LPGAT1: variants seen among roughly 807,000 people sequenced by gnomAD.
The protein encoded by LPGAT1 is lysophosphatidylglycerol acyltransferase 1, also known as acyl-CoA:lysophosphatidylglycerol acyltransferase 1.
A neutral mutation model predicts 47.5 loss-of-function variants in LPGAT1; 11 were observed. That is an observed-to-expected ratio of 0.23 (90% CI 0.15 to 0.38). LPGAT1 has a LOEUF of 0.38. Among genes scored for constraint, LPGAT1 ranks in the 10% least tolerant of loss-of-function variants. The pLI is 1.00. For synonymous variants in LPGAT1, 138 were observed against 144.2 expected, an observed-to-expected ratio of 0.96 and a Z score of 0.31; for missense variants, 293 against 439.0, an observed-to-expected ratio of 0.67 and a Z score of 2.97.
intron 2 of LPGAT1, among the ~76,000 whole-genome samples, chr1:211,816,276 T>C (rs1366901115): frequency 6.6e-6 from 1 of 152,160 alleles, no homozygotes; most frequent in Non-Finnish European, 1.5e-5. Flanking sequence ...GTGACTCCTG[T>C]TGTCTCTCTC....
At chr1:211,809,374 T>G (rs999348556) in intron 2 of LPGAT1, among the ~76,000 whole-genome samples, 4 of 152,198 alleles carry the variant, frequency 2.6e-5, no homozygotes, top group Non-Finnish European at 5.9e-5. Context: ...CATTTATGTA[T>G]AAGTTGAGCA....
At chr1:211,750,591 C>G (rs1657135667) in intron 7 of LPGAT1, among the ~76,000 whole-genome samples, 1 of 151,916 alleles carries the variant, frequency 6.6e-6, no homozygotes, top group Non-Finnish European at 1.5e-5. Flanking sequence ...AATTTTTTGT[C>G]AAAAAAGTAG....
chr1:211,802,041 T>A (rs142801172), intron 2 of LPGAT1, among the ~76,000 whole-genome samples: 56 of 148,478 alleles, frequency 3.8e-4, no homozygotes, highest in African/African-American at 1.4e-3. Context: ...TGAGCCAAGA[T>A]TGCACCACTG....
intron 5 of LPGAT1, among the ~76,000 whole-genome samples, chr1:211,780,895 T>C (rs906897322): frequency 6.7e-5 from 10 of 148,752 alleles, no homozygotes; most frequent in African/African-American, 2.5e-4. Context: ...CTTATGTATG[T>C]TTGAAAATTT....
rs1320091405 is a variant in LPGAT1, at chr1:211,783,195, C to A, written c.727+34G>T. 4 of 1,555,370 alleles carry A rather than the reference C, an allele frequency of 2.6e-6. No individual in the cohort carries two copies. The South Asian group carries it at 4.9e-5, about 19-fold the overall frequency. On this transcript the variant is annotated intron_variant, in intron 5 of 7. Transcript: ENST00000366997. ...TGTAACTCCAGAAAATCCTTTAACT[C>A]CAACAAGGTAAAAAATGCTAAAAAC...
At position 211,793,268 on chromosome 1, in the gene LPGAT1, A is replaced by G. The variant is rs1005883367; in HGVS notation, c.239-78T>C. 12 of 857,368 alleles carry G rather than the reference A, an allele frequency of 1.4e-5. No individual in the cohort carries two copies. In the Admixed American group the frequency reaches 2.6e-4, roughly 19 times the overall value. 53.1% of individuals were successfully genotyped at this position (857,368 alleles called of 1,614,324 possible). ...CACAAACCTTATATTAGAAAAAATG[A>G]TGTATATTAATGATGATATGTCACC... On this transcript the variant is annotated intron_variant, in intron 2 of 7. Transcript: ENST00000366997.
At chr1:211,803,217 T>G (rs773521434) in intron 2 of LPGAT1, 1 of 152,190 alleles carries the variant, frequency 6.6e-6, no homozygotes, top group Non-Finnish European at 1.5e-5. Context: ...GTGTGTGACA[T>G]TTTGAAAAAT....
intron 6 of LPGAT1, among the ~76,000 whole-genome samples, chr1:211,773,033 G>A (rs4951426): frequency 0.86 from 131,097 of 152,198 alleles, 56,671 homozygotes; most frequent in African/African-American, 0.94. Context: ...TCACTGTGCA[G>A]ATGTAATTTT....
chr1:211,785,243 C>T (rs1658829046), intron 4 of LPGAT1, among the ~76,000 whole-genome samples: 1 of 152,124 alleles, frequency 6.6e-6, no homozygotes, highest in Non-Finnish European at 1.5e-5. Flanking sequence ...TTTTGTTAGT[C>T]AGTTTGCTGA....
At chr1:211,826,666 GATAT>G (rs10565966) in intron 2 of LPGAT1, among the ~76,000 whole-genome samples, 83 of 148,254 alleles carry the variant, frequency 5.6e-4, no homozygotes, top group East Asian at 1.8e-3. Flanking sequence ...TTTGGAAAAA[GATAT>G]ATATATATAT....
intron 2 of LPGAT1, among the ~76,000 whole-genome samples, chr1:211,825,638 A>G (rs1188284998): frequency 1.3e-5 from 2 of 152,196 alleles, no homozygotes; most frequent in Non-Finnish European, 2.9e-5. Context: ...TCAACGTGAG[A>G]TATCTGTACA....
intron 2 of LPGAT1, among the ~76,000 whole-genome samples, chr1:211,812,561 G>A (rs1660024610): frequency 6.6e-6 from 1 of 152,134 alleles, no homozygotes; most frequent in African/African-American, 2.4e-5. Context: ...GCTGAAAAAT[G>A]CACCCCTCCA....
chr1:211,779,177 T>G (rs1658532851), intron 5 of LPGAT1, 133 bp from the exon 6 acceptor site: 1 of 583,492 alleles, frequency 1.7e-6, no homozygotes. Flanking sequence ...AAGGATGAAC[T>G]TTGGTGCTCC....
chr1:211,806,653 CT>C (rs1338759774), intron 2 of LPGAT1, among the ~76,000 whole-genome samples: 13 of 152,124 alleles, frequency 8.5e-5, no homozygotes, highest in African/African-American at 3.1e-4. Flanking sequence ...CATATACCCT[CT>C]GAATCAAAAA....
At chr1:211,757,675 A>T (rs183592625) in intron 6 of LPGAT1, among the ~76,000 whole-genome samples, 3 of 152,346 alleles carry the variant, frequency 2.0e-5, no homozygotes, top group East Asian at 3.9e-4. Context: ...CTTGACAGAG[A>T]TTCTGAAGAC....
chr1:211,789,637 T>A lies in LPGAT1; in HGVS notation c.358-1910A>T, dbSNP rs967190388. Among the ~76,000 whole-genome samples the A allele has an allele frequency of 2.0e-4, 30 of 152,272 alleles. 1 individual carries two copies. The highest frequency in any genetic ancestry group is 2.0e-3 in the Admixed American group (30 of 15,284). On this transcript the variant is annotated intron_variant, in intron 3 of 7. Coordinates refer to ENST00000366997, the MANE Select transcript of LPGAT1 (RefSeq NM_014873.3). ...TGGCTCACGCCTATAATCCCAGCAC[T>A]TTGGGAGGCTGAGGTGGGCGGATCA...
chr1:211,761,040 T>C (rs1247071269), intron 6 of LPGAT1, among the ~76,000 whole-genome samples: 1 of 152,166 alleles, frequency 6.6e-6, no homozygotes, highest in Non-Finnish European at 1.5e-5. Flanking sequence ...AGCGCTTTTT[T>C]AACTATTCAC....
chr1:211,821,119 G>C (rs1660357484), intron 2 of LPGAT1, among the ~76,000 whole-genome samples: 1 of 152,178 alleles, frequency 6.6e-6, no homozygotes, highest in African/African-American at 2.4e-5. Flanking sequence ...AGCTGGGTGT[G>C]GTGGTGCATG....
At position 211,829,084 on chromosome 1, in the gene LPGAT1, G is replaced by C. The variant is rs762790086; in HGVS notation, c.213C>G (p.Ser71=). The C allele has an allele frequency of 1.9e-6, 3 of 1,614,002 alleles. No individual in the cohort carries two copies. In the Admixed American group the frequency reaches 5.0e-5, roughly 27 times the overall value. Residue 71 remains serine (S), a synonymous_variant, in exon 2 of 8, where the codon TCC becomes TCG. Coordinates refer to ENST00000366997, the MANE Select transcript of LPGAT1 (RefSeq NM_014873.3). The part of the protein sequence containing the change: ...MYKWLLGMVA[S]WGWYAGYTVM... ...CTGTATATCCAGCATACCATCCCCAGGAAGCTACCATTCCTAAAAGCCATT... is the reference window on the plus strand; with the variant it reads ...CTGTATATCCAGCATACCATCCCCACGAAGCTACCATTCCTAAAAGCCATT...
Sources: gnomAD v4.1 joint callset for allele counts (sites outside exome capture counted in the v4.1 genomes callset) on GRCh38, gnomAD v4.1.1 for gene constraint, MANE v1.5 for transcripts, NCBI Gene and HGNC (gene_info 2026-07-23, HGNC 2026-07-21) for gene names.